Variants in TMTC2 observed in about 807,000 individuals in gnomAD.
TMTC2 encodes the protein transmembrane O-mannosyltransferase targeting cadherins 2.
TMTC2 carries 43 observed loss-of-function variants against 82.4 expected under a neutral mutation model. The observed-to-expected ratio is 0.52, with a 90% CI of 0.41 to 0.67. TMTC2 has a LOEUF of 0.67. Among genes scored for constraint, TMTC2 ranks in the 30% least tolerant of loss-of-function variants. TMTC2 has a pLI of 0.00. For synonymous variants in TMTC2, 408 were observed against 381.9 expected (o/e 1.07, Z -0.80); for missense variants, 919 against 1,012.4 (o/e 0.91, Z 1.25).
intron 11 of TMTC2, among the ~76,000 whole-genome samples, chr12:83,077,275 A>G (rs1232466691): frequency 6.6e-6 from 1 of 152,172 alleles, no homozygotes; most frequent in African/African-American, 2.4e-5. Flanking sequence ...TGCCCGTGCT[A>G]TGCCTGGAGG....
At position 83,060,010 on chromosome 12, in the gene TMTC2, T is replaced by A. The variant is rs1882683845; in HGVS notation, c.2268-1758T>A. 2.6e-5 allele frequency among the ~76,000 whole-genome samples: 4 copies of A among 151,724 alleles called. No individual in the cohort carries two copies. In the South Asian group the frequency reaches 8.3e-4, roughly 31 times the overall value. On this transcript the variant is annotated intron_variant, in intron 10 of 11. Coordinates refer to ENST00000321196, the MANE Select transcript of TMTC2 (RefSeq NM_152588.3). ...TCTGGTTCAGATTTCCAAATGAATC[T>A]GTACCAAATTGATTCTATAATTTGG...
chr12:82,772,279 G>T (rs1325708666), intron 1 of TMTC2, among the ~76,000 whole-genome samples: 1 of 152,132 alleles, frequency 6.6e-6, no homozygotes, highest in African/African-American at 2.4e-5. Flanking sequence ...CATTTAAATT[G>T]CTGTGGCATA....
At chr12:82,731,500 C>A (rs1022476111) in intron 1 of TMTC2, among the ~76,000 whole-genome samples, 1 of 152,034 alleles carries the variant, frequency 6.6e-6, no homozygotes, top group African/African-American at 2.4e-5. Flanking sequence ...AATTTTAGAC[C>A]AGTGGGAATT....
chr12:82,849,856 A>G (rs1412840549), intron 1 of TMTC2, among the ~76,000 whole-genome samples: 3 of 152,094 alleles, frequency 2.0e-5, no homozygotes, highest in South Asian at 2.1e-4. Context: ...TGGTTCTTTT[A>G]TTTTGGTTTC....
chr12:82,950,412 G>T (rs576493622), intron 4 of TMTC2, among the ~76,000 whole-genome samples: 1 of 152,094 alleles, frequency 6.6e-6, no homozygotes, highest in East Asian at 1.9e-4. Context: ...TCAAAAGGTA[G>T]GTACAAAGTA....
intron 11 of TMTC2, among the ~76,000 whole-genome samples, chr12:83,120,304 A>T (rs1414874512): frequency 6.6e-6 from 1 of 152,174 alleles, no homozygotes; most frequent in African/African-American, 2.4e-5. Flanking sequence ...CATTCGTTTC[A>T]AGATTTAGAT....
At chr12:82,982,408 C>G (rs894655624) in intron 7 of TMTC2, among the ~76,000 whole-genome samples, 9 of 145,956 alleles carry the variant, frequency 6.2e-5, no homozygotes, top group African/African-American at 2.2e-4. Flanking sequence ...ATTGAGTTAC[C>G]TTTTTTTAAC....
At chr12:83,114,909 G>T (rs1329841621) in intron 11 of TMTC2, among the ~76,000 whole-genome samples, 1 of 151,594 alleles carries the variant, frequency 6.6e-6, no homozygotes, top group Non-Finnish European at 1.5e-5. Context: ...ATAAAAATAT[G>T]TACACATATA....
chr12:82,731,878 G>A (rs546544058), intron 1 of TMTC2, among the ~76,000 whole-genome samples: 1 of 152,294 alleles, frequency 6.6e-6, no homozygotes, highest in Admixed American at 6.5e-5. Flanking sequence ...AAATAATATA[G>A]AGCCAATTCT....
At chr12:82,749,348 A>G (rs1166458680) in intron 1 of TMTC2, among the ~76,000 whole-genome samples, 1 of 151,968 alleles carries the variant, frequency 6.6e-6, no homozygotes, top group African/African-American at 2.4e-5. Context: ...TTGTATTTAC[A>G]CTATGAGAAA....
chr12:82,740,913 T>A (rs1337986171), intron 1 of TMTC2, among the ~76,000 whole-genome samples: 1 of 152,220 alleles, frequency 6.6e-6, no homozygotes, highest in African/African-American at 2.4e-5. Context: ...AAAAGGTGTC[T>A]TCCAAACTCG....
intron 8 of TMTC2, among the ~76,000 whole-genome samples, chr12:82,999,789 G>A (rs765039702): frequency 6.6e-6 from 1 of 152,142 alleles, no homozygotes; most frequent in East Asian, 1.9e-4. Context: ...AATTATGGGA[G>A]CTACAAGATG....
At chr12:82,755,453 TA>T (rs1876253509) in intron 1 of TMTC2, among the ~76,000 whole-genome samples, 1 of 152,238 alleles carries the variant, frequency 6.6e-6, no homozygotes, top group South Asian at 2.1e-4. Flanking sequence ...GATGATTAAT[TA>T]ATCAAAATTG....
At chr12:83,061,066 G>A (rs1368616561) in intron 10 of TMTC2, among the ~76,000 whole-genome samples, 1 of 151,712 alleles carries the variant, frequency 6.6e-6, no homozygotes, top group Non-Finnish European at 1.5e-5. Context: ...TACAAAAGCA[G>A]TTCTTTACAG....
intron 11 of TMTC2, among the ~76,000 whole-genome samples, chr12:83,077,267 C>T (rs1312659548): frequency 2.0e-5 from 3 of 152,138 alleles, no homozygotes; most frequent in Admixed American, 1.3e-4. Flanking sequence ...GGGAGTGGTG[C>T]CCGTGCTATG....
chr12:83,014,278 C>G (rs567091546), intron 8 of TMTC2, among the ~76,000 whole-genome samples: 2 of 152,278 alleles, frequency 1.3e-5, no homozygotes, highest in Admixed American at 1.3e-4. Context: ...TTCTCCCACT[C>G]CAGCCTCCTG....
At chr12:82,734,984 G>A (rs941329915) in intron 1 of TMTC2, among the ~76,000 whole-genome samples, 2 of 152,196 alleles carry the variant, frequency 1.3e-5, no homozygotes, top group South Asian at 4.1e-4. Flanking sequence ...GAGAGCCCAC[G>A]TGGTATATTG....
chr12:82,981,146 G>A (rs1878897874), intron 7 of TMTC2, among the ~76,000 whole-genome samples: 1 of 151,874 alleles, frequency 6.6e-6, no homozygotes, highest in African/African-American at 2.4e-5. Context: ...TACTGTAGGA[G>A]TTGAGGAAGG....
rs201863780 is a variant in TMTC2, at chr12:83,080,427, AT to A, written c.2331+18597del. Among the ~76,000 whole-genome samples the A allele has an allele frequency of 7.9e-3, 1,206 of 152,166 alleles. 16 individuals carry two copies. Among genetic ancestry groups the A allele is most frequent in the African/African-American group, 0.027 (1,126 of 41,504 alleles). ...ATGAATGATTAGCTAAGATTTTTATATCTGTAATTTGTAGAATAAACACGAT... is the reference window on the plus strand; with the variant it reads ...ATGAATGATTAGCTAAGATTTTTATACTGTAATTTGTAGAATAAACACGAT... On this transcript the variant is annotated intron_variant, in intron 11 of 11. Transcript: ENST00000321196.
Sources: gnomAD v4.1 joint callset for allele counts (sites outside exome capture counted in the v4.1 genomes callset) on GRCh38, gnomAD v4.1.1 for gene constraint, MANE v1.5 for transcripts, NCBI Gene and HGNC (gene_info 2026-07-23, HGNC 2026-07-21) for gene names.